Variants in DNAAF5 observed in about 807,000 individuals in gnomAD.
The protein encoded by DNAAF5 is HEAT repeat containing 2.
Under a neutral mutation model 75.8 loss-of-function variants are expected in DNAAF5, and 64 were observed. The ratio of observed to expected loss-of-function variants is 0.84; its 90% confidence interval spans 0.69 to 1.04. The LOEUF is 1.04. Among genes scored for constraint, DNAAF5 ranks in the 50% least tolerant of loss-of-function variants. DNAAF5 has a pLI of 0.00. For missense variants in DNAAF5, 1,269 were observed against 1,178.5 expected (o/e 1.08, Z -1.12); for synonymous variants, 657 against 557.2 (o/e 1.18, Z -2.52).
rs1176358696 is a variant in DNAAF5, at chr7:754,375, C to T, written c.1025-214C>T. ...TCCTGGGCTCTAGTGATCCACCTGC[C>T]TTGGCCTCCACAGGGCTAGGACTGC... On this transcript the variant is annotated intron_variant, in intron 4 of 12. Coordinates refer to ENST00000297440, the MANE Select transcript of DNAAF5 (RefSeq NM_017802.4). This position sits in a 1 kb window ranked among gnomAD's most constrained non-coding sequence, Gnocchi z 4.8. Among the ~76,000 whole-genome samples the T allele has an allele frequency of 2.8e-4, 42 of 152,300 alleles. No homozygotes were observed. The highest frequency in any genetic ancestry group is 2.6e-3 in the Admixed American group (40 of 15,306).
chr7:761,264 C>T (rs532358104), intron 6 of DNAAF5, among the ~76,000 whole-genome samples: 96 of 152,370 alleles, frequency 6.3e-4, no homozygotes, highest in African/African-American at 2.2e-3. Context: ...GGGGCTCTCC[C>T]TGCAAGGGCT....
At chr7:782,483 A>C (rs1330492036) in intron 12 of DNAAF5, among the ~76,000 whole-genome samples, 1 of 121,038 alleles carries the variant, frequency 8.3e-6, no homozygotes, top group Non-Finnish European at 1.7e-5. Flanking sequence ...AGAAACTCGG[A>C]TCTTCCCGGC....
chr7:776,422 C>T (rs112891948), intron 11 of DNAAF5, among the ~76,000 whole-genome samples: 21,236 of 152,206 alleles, frequency 0.14, 1,691 homozygotes, highest in East Asian at 0.28. Context: ...AGATGAAATA[C>T]CACAAATTAA....
chr7:754,620 C>G lies in DNAAF5; in HGVS notation c.1056C>G (p.Leu352=). ...GCCCTGTGCTGGGCTGCCGGGAGCT[C>G]GTCTTCAGGAACCTCTCCAAGATCC... ...ERRPVLGCRE[L]VFRNLSKILP... is the part of the protein sequence containing the mutation. Residue 352 remains leucine (L), a synonymous_variant, in exon 5 of 13, where the codon CTC becomes CTG. Transcript: ENST00000297440. This position sits in a 1 kb window ranked among gnomAD's most constrained non-coding sequence, Gnocchi z 4.8. The G allele has an allele frequency of 6.2e-7, 1 of 1,614,104 alleles. No homozygotes were observed. The highest frequency in any genetic ancestry group is 8.5e-7 in the Non-Finnish European group (1 of 1,179,994).
intron 1 of DNAAF5, among the ~76,000 whole-genome samples, chr7:727,833 C>G (rs1379867050): frequency 1.3e-5 from 2 of 150,064 alleles, no homozygotes; most frequent in Non-Finnish European, 3.0e-5. Context: ...CCCTCCACCC[C>G]ACCCGGGCCC....
At position 754,553 on chromosome 7, in the gene DNAAF5, T is replaced by C. The variant is rs1782421815; in HGVS notation, c.1025-36T>C. 1 of 1,572,702 alleles carries C rather than the reference T, an allele frequency of 6.4e-7. No individual in the cohort carries two copies. Among genetic ancestry groups the C allele is most frequent in the African/African-American group, 1.3e-5 (1 of 74,204 alleles). On this transcript the variant is annotated intron_variant, in intron 4 of 12. Transcript: ENST00000297440. This position sits in a 1 kb window ranked among gnomAD's most constrained non-coding sequence, Gnocchi z 4.8. ...ACTTGAGTTGTTGAGGTTTTGCTTG[T>C]GAATTTCTCATTCTTCTTTCCCTTT...
At chr7:768,744 A>G (rs563700868) in intron 8 of DNAAF5, 52 of 179,800 alleles carry the variant, frequency 2.9e-4, no homozygotes, top group Non-Finnish European at 5.7e-4. Flanking sequence ...TCTTGACAGC[A>G]AGTGGCTCAC....
intron 4 of DNAAF5, among the ~76,000 whole-genome samples, chr7:750,146 T>A (rs1403653163): frequency 6.6e-6 from 1 of 152,238 alleles, no homozygotes; most frequent in Non-Finnish European, 1.5e-5. Context: ...CCTTTTTCTG[T>A]GTTTGGAAAC....
At chr7:728,417 G>T (rs900376021) in intron 1 of DNAAF5, among the ~76,000 whole-genome samples, 3 of 152,214 alleles carry the variant, frequency 2.0e-5, no homozygotes, top group Non-Finnish European at 2.9e-5. Context: ...CCGAGTTCAG[G>T]TTGTTAAAAG....
At chr7:728,217 G>T (rs1018698487) in intron 1 of DNAAF5, among the ~76,000 whole-genome samples, 2 of 152,142 alleles carry the variant, frequency 1.3e-5, no homozygotes, top group African/African-American at 2.4e-5. Flanking sequence ...GATGTGGAAT[G>T]ATAGCAGGCG....
chr7:777,064 G>A (rs1010066135), intron 11 of DNAAF5, among the ~76,000 whole-genome samples: 1 of 152,192 alleles, frequency 6.6e-6, no homozygotes, highest in African/African-American at 2.4e-5. Context: ...GTCCCCACAT[G>A]GGACCGTCTA....
Position 740,731 on chromosome 7 carries a change from G to A in DNAAF5, c.781-88G>A, listed in dbSNP as rs4720773. The A allele has an allele frequency of 6.5e-3, 10,116 of 1,553,262 alleles. 461 individuals are homozygous for A. In the Admixed American group the frequency reaches 0.098, roughly 15 times the overall value. On this transcript the variant is annotated intron_variant, in intron 2 of 12. Coordinates refer to ENST00000297440, the MANE Select transcript of DNAAF5 (RefSeq NM_017802.4). Reference sequence around the variant, plus strand: ...CGTGCCTCTGCCTCAGGCAGCGTCCGTATGGCAGCACTCAGAGCCGCACCG... The same window carrying A: ...CGTGCCTCTGCCTCAGGCAGCGTCCATATGGCAGCACTCAGAGCCGCACCG...
chr7:728,728 G>A (rs545581558), intron 1 of DNAAF5, among the ~76,000 whole-genome samples: 14 of 152,336 alleles, frequency 9.2e-5, no homozygotes, highest in African/African-American at 3.1e-4. Context: ...AGCCCCAAGC[G>A]CAGCCTGCTG....
chr7:781,804 T>C (rs932560528), intron 12 of DNAAF5, among the ~76,000 whole-genome samples: 1 of 152,258 alleles, frequency 6.6e-6, no homozygotes, highest in Admixed American at 6.5e-5. Context: ...TTGAGAGCTG[T>C]CTGTTCAGGT....
At chr7:779,285 G>A (rs1465251281) in intron 11 of DNAAF5, among the ~76,000 whole-genome samples, 5 of 152,192 alleles carry the variant, frequency 3.3e-5, no homozygotes, top group Non-Finnish European at 7.3e-5. Context: ...CCTCATGCCA[G>A]GCATGGGCAG....
At chr7:740,677 A>G (rs995106943) in intron 2 of DNAAF5, 142 bp from the exon 3 acceptor site, 2 of 1,187,730 alleles carry the variant, frequency 1.7e-6, no homozygotes, top group Non-Finnish European at 2.4e-6. Flanking sequence ...GATGGCATCT[A>G]GGCGGTGGTA....
intron 12 of DNAAF5, among the ~76,000 whole-genome samples, chr7:784,801 T>C (rs1346964166): frequency 6.6e-6 from 1 of 152,214 alleles, no homozygotes; most frequent in Admixed American, 6.5e-5. Context: ...CTGTGAAACC[T>C]GTTTCTAAGC....
rs752639551 is a variant in DNAAF5, at chr7:769,244, C to T, written c.1784-1227C>T. 9 of 747,372 alleles carry T rather than the reference C, an allele frequency of 1.2e-5. 1 individual carries two copies. Among genetic ancestry groups the T allele is most frequent in the South Asian group, 1.1e-4 (8 of 70,274 alleles). The allele number at this position is 747,372 out of a possible 1,614,324, so 46.3% of individuals were successfully genotyped here. Reference sequence around the variant, plus strand: ...GCTTGGATAAGCCAGTGGACGCTCCCTCTACACTGGCCCGGGGCCAGAGCG... The same window carrying T: ...GCTTGGATAAGCCAGTGGACGCTCCTTCTACACTGGCCCGGGGCCAGAGCG... On this transcript the variant is annotated intron_variant, in intron 8 of 12. Coordinates refer to ENST00000297440, the MANE Select transcript of DNAAF5 (RefSeq NM_017802.4).
chr7:730,246 T>C (rs1026786610), intron 2 of DNAAF5, among the ~76,000 whole-genome samples: 2 of 152,032 alleles, frequency 1.3e-5, no homozygotes, highest in Admixed American at 6.5e-5. Flanking sequence ...AATTATGTCG[T>C]TGGGCTTTGG....
Sources: allele counts gnomAD v4.1 joint callset (sites outside exome capture counted in the v4.1 genomes callset), GRCh38; gene constraint gnomAD v4.1.1; non-coding constraint Gnocchi (gnomAD v3.1); transcripts MANE v1.5; gene names NCBI Gene and HGNC (gene_info 2026-07-23, HGNC 2026-07-21).